Variants in CNTN1 observed in about 807,000 individuals in gnomAD.
CNTN1 encodes contactin-1.
In CNTN1, 38 loss-of-function variants were observed where a neutral mutation model predicts 126.4. The ratio of observed to expected loss-of-function variants is 0.30; its 90% CI spans 0.23 to 0.39. The LOEUF is 0.39. CNTN1 is among the 10% of genes least tolerant of loss of function. The pLI, the probability that CNTN1 is intolerant of heterozygous loss-of-function variation, is 1.00. For synonymous variants in CNTN1, 413 were observed against 422.6 expected, an observed-to-expected ratio of 0.98 and a Z score of 0.28; for missense variants, 1,009 against 1,248.4, an observed-to-expected ratio of 0.81 and a Z score of 2.89.
chr12:40,752,142 C>T (rs1010411499), intron 1 of CNTN1, among the ~76,000 whole-genome samples: 6 of 151,972 alleles, frequency 3.9e-5, no homozygotes, highest in African/African-American at 1.4e-4. Context: ...GACAACTGTG[C>T]ACTAACACAG....
intron 12 of CNTN1, among the ~76,000 whole-genome samples, chr12:40,940,086 A>G (rs1443181837): frequency 2.0e-5 from 3 of 152,120 alleles, no homozygotes; most frequent in Non-Finnish European, 4.4e-5. Flanking sequence ...GTTTATATGT[A>G]TCCTAGAAGA....
rs1283320182 is a variant in CNTN1, at chr12:40,933,801, A to C, written c.908A>C (p.Glu303Ala). The C allele has an allele frequency of 6.2e-7, 1 of 1,612,732 alleles. No homozygotes were observed. Among genetic ancestry groups the C allele is most frequent in the Non-Finnish European group, 8.5e-7 (1 of 1,179,054 alleles). Residue 303 changes from glutamate to alanine, a missense_variant, in exon 9 of 24, where the codon GAA (glutamate) becomes GCA (alanine). Glu to Ala is a moderately radical substitution (Grantham distance 107). Transcript: ENST00000551295. ...AVLKIFNIQL[E>A]DEGIYECEAE... ...CTTAAGATCTTCAATATTCAGCTAG[A>C]AGATGAAGGCATCTATGAATGTGAG... is the stretch of plus-strand genomic sequence containing the variant.
chr12:40,992,357 C>T lies in CNTN1; in HGVS notation c.1964-763C>T, dbSNP rs182973400. 5.9e-4 allele frequency among the ~76,000 whole-genome samples: 89 copies of T among 152,130 alleles called. 2 individuals carry two copies. Among genetic ancestry groups the T allele is most frequent in the African/African-American group, 1.5e-3 (62 of 41,498 alleles). On this transcript the variant is annotated intron_variant, in intron 16 of 23. Transcript: ENST00000551295. ...AACTTCCCTAAATGATAAGATATTG[C>T]GTCATAGACAAGCCTACAGGTACAG...
intron 3 of CNTN1, among the ~76,000 whole-genome samples, chr12:40,912,553 T>A: frequency 6.6e-6 from 1 of 152,032 alleles, no homozygotes; most frequent in East Asian, 1.9e-4. Flanking sequence ...TTTGTAAGAA[T>A]TGGGATATGA....
intron 14 of CNTN1, among the ~76,000 whole-genome samples, chr12:40,955,286 C>A (rs1946833518): frequency 1.3e-5 from 2 of 152,038 alleles, no homozygotes; most frequent in South Asian, 4.1e-4. Flanking sequence ...AGGGCAATGG[C>A]AAGACCTCTC....
intron 15 of CNTN1, among the ~76,000 whole-genome samples, chr12:40,976,215 C>T (rs1947665515): frequency 3.3e-5 from 5 of 151,850 alleles, no homozygotes; most frequent in Admixed American, 3.3e-4. Flanking sequence ...TTCTTTTTCC[C>T]CTAACTTCAG....
chr12:41,069,767 G>T (rs1020840461), intron 23 of CNTN1, among the ~76,000 whole-genome samples, 192 bp from the exon 24 acceptor site: 1 of 152,030 alleles, frequency 6.6e-6, no homozygotes, highest in African/African-American at 2.4e-5. Context: ...AGTTCACATG[G>T]TCTCACACAG....
intron 1 of CNTN1, among the ~76,000 whole-genome samples, chr12:40,857,978 T>C (rs1012570813): frequency 1.3e-4 from 20 of 152,174 alleles, no homozygotes; most frequent in Non-Finnish European, 4.4e-5. Flanking sequence ...TCAATTTCTT[T>C]GGGTTAGGAG....
intron 1 of CNTN1, among the ~76,000 whole-genome samples, chr12:40,871,178 G>C (rs968555525): frequency 3.3e-5 from 4 of 122,606 alleles, no homozygotes; most frequent in African/African-American, 1.2e-4. Context: ...ACTTGGATCT[G>C]TTACAGAGAA....
chr12:40,710,135 TC>T (rs1175953913), intron 1 of CNTN1, among the ~76,000 whole-genome samples: 2 of 152,120 alleles, frequency 1.3e-5, no homozygotes, highest in Non-Finnish European at 2.9e-5. Context: ...TTGACTTTTT[TC>T]CCAGAACCAT....
At chr12:40,904,348 TTTTCCTTCCTTCCTTCC>T (rs1050527578) in intron 1 of CNTN1, among the ~76,000 whole-genome samples, 11 of 100,090 alleles carry the variant, frequency 1.1e-4, no homozygotes, top group African/African-American at 3.1e-4. Flanking sequence ...TTCTTCTTCT[TTTTCCTTCCTTCCTTCC>T]TTTCCTTCCT....
intron 1 of CNTN1, among the ~76,000 whole-genome samples, chr12:40,769,467 G>C (rs1298734203): frequency 6.6e-6 from 1 of 151,930 alleles, no homozygotes; most frequent in African/African-American, 2.4e-5. Flanking sequence ...AATTTATACA[G>C]GAGAAAAAAA....
intron 1 of CNTN1, among the ~76,000 whole-genome samples, chr12:40,878,216 C>T (rs1483538661): frequency 7.9e-5 from 12 of 151,072 alleles, no homozygotes; most frequent in Non-Finnish European, 1.6e-4. Context: ...AGGCTGGTCT[C>T]GAACTCCTGA....
chr12:40,982,309 C>G (rs199943845), intron 16 of CNTN1, among the ~76,000 whole-genome samples: 2 of 152,026 alleles, frequency 1.3e-5, no homozygotes, highest in Non-Finnish European at 2.9e-5. Flanking sequence ...CTTTTAGATA[C>G]TTTATAAACC....
intron 23 of CNTN1, among the ~76,000 whole-genome samples, chr12:41,056,885 A>G (rs1256218109): frequency 7.0e-6 from 1 of 142,306 alleles, no homozygotes. Context: ...GGATATTTAT[A>G]AATATTATAT....
rs35584090 is a variant in CNTN1, at chr12:40,810,594, A to ATT, written c.-76-97750_-76-97749dup. Among the ~76,000 whole-genome samples, 1,172 of 148,136 alleles carry ATT rather than the reference A, an allele frequency of 7.9e-3. 10 individuals carry two copies. The highest frequency in any genetic ancestry group is 0.027 in the African/African-American group (1,074 of 40,316). Reference sequence around the variant, plus strand: ...CTTCTATTCTGTTTCTATGAGATTGATTTTTTTTTTTTTTAGATTTCACAT... The same window carrying ATT: ...CTTCTATTCTGTTTCTATGAGATTGATTTTTTTTTTTTTTTTAGATTTCACAT... On this transcript the variant is annotated intron_variant, in intron 1 of 23. Coordinates refer to ENST00000551295, the MANE Select transcript of CNTN1 (RefSeq NM_001843.4).
intron 15 of CNTN1, among the ~76,000 whole-genome samples, chr12:40,959,904 C>A (rs997059286): frequency 3.3e-5 from 5 of 152,056 alleles, no homozygotes; most frequent in African/African-American, 1.2e-4. Context: ...TGTGTTGACC[C>A]CAGCTTGCTT....
At position 41,025,159 on chromosome 12, in the gene CNTN1, T is replaced by C; in HGVS notation, c.2533T>C (p.Trp845Arg). The change falls in exon 21 of 24, where the codon TGG becomes CGG. Residue 845 changes from tryptophan to arginine, a missense_variant. Physicochemically the swap from Trp to Arg is moderately radical, Grantham distance 101 (BLOSUM62 -3). Transcript: ENST00000551295. ...TCCTGAATGTTTGCAGATTCGGTAT[T>C]GGGCTGCCCATGACAAAGAAGAAGC... Reference protein sequence around the residue: ...KIVESYQIRYWAAHDKEEAAN... With the variant: ...KIVESYQIRYRAAHDKEEAAN... 1.2e-6 allele frequency: 2 copies of C among 1,613,912 alleles called. No homozygotes were observed. The highest frequency in any genetic ancestry group is 1.7e-6 in the Non-Finnish European group (2 of 1,179,882).
At chr12:40,824,057 C>T (rs1941534269) in intron 1 of CNTN1, among the ~76,000 whole-genome samples, 2 of 152,054 alleles carry the variant, frequency 1.3e-5, no homozygotes, top group Non-Finnish European at 2.9e-5. Context: ...TATCATTCCC[C>T]TACAAAATCT....
Sources: gnomAD v4.1 joint callset for allele counts (sites outside exome capture counted in the v4.1 genomes callset) on GRCh38, gnomAD v4.1.1 for gene constraint, MANE v1.5 for transcripts, NCBI Gene and HGNC (gene_info 2026-07-23, HGNC 2026-07-21) for gene names.